Variants in DAP observed in about 807,000 individuals in gnomAD.
The protein encoded by DAP is death associated protein, also known as death-associated protein 1.
In DAP, 8 loss-of-function variants were observed where a neutral mutation model predicts 13.8. The ratio of observed to expected loss-of-function variants is 0.58; its 90% confidence interval spans 0.34 to 1.05. DAP has a LOEUF of 1.05. Among genes scored for constraint, DAP ranks in the 50% least tolerant of loss-of-function variants. The pLI, the probability that DAP is intolerant of heterozygous loss-of-function variation, is 0.03. For synonymous variants in DAP, 47 were observed against 47.5 expected (o/e 0.99, Z 0.04); for missense variants, 106 against 133.2 (o/e 0.80, Z 1.01).
At chr5:10,744,834 G>A (rs907277453) in intron 2 of DAP, among the ~76,000 whole-genome samples, 3 of 152,234 alleles carry the variant, frequency 2.0e-5, no homozygotes, top group Admixed American at 6.5e-5. Flanking sequence ...GCAAAGCCTC[G>A]TGGAGCAGCG....
chr5:10,746,855 G>T (rs962200316), intron 2 of DAP, among the ~76,000 whole-genome samples: 2 of 152,146 alleles, frequency 1.3e-5, no homozygotes, highest in African/African-American at 4.8e-5. Context: ...GACAGGCAGG[G>T]TTACCAAGAA....
At chr5:10,701,602 G>A (rs1358118811) in intron 2 of DAP, among the ~76,000 whole-genome samples, 6 of 150,672 alleles carry the variant, frequency 4.0e-5, no homozygotes, top group Admixed American at 1.3e-4. Flanking sequence ...TGAGGGGGAC[G>A]GGGGGCGGGG....
intron 1 of DAP, among the ~76,000 whole-genome samples, chr5:10,759,218 C>T (rs377267417): frequency 1.3e-5 from 2 of 152,300 alleles, no homozygotes; most frequent in South Asian, 2.1e-4. Flanking sequence ...ATGGGTGTGT[C>T]TCTGTATGCA....
chr5:10,702,952 C>T (rs62337578), intron 2 of DAP, among the ~76,000 whole-genome samples: 8,282 of 152,276 alleles, frequency 0.054, 255 homozygotes, highest in South Asian at 0.081. Context: ...TGAGCATAAA[C>T]GATCTGGCAT....
intron 2 of DAP, among the ~76,000 whole-genome samples, chr5:10,735,043 T>C (rs1234363646): frequency 6.6e-6 from 1 of 152,166 alleles, no homozygotes; most frequent in East Asian, 1.9e-4. Flanking sequence ...CATGACTCCA[T>C]CTGGTTAACG....
At chr5:10,754,119 A>T (rs1271296418) in intron 1 of DAP, among the ~76,000 whole-genome samples, 1 of 152,202 alleles carries the variant, frequency 6.6e-6, no homozygotes, top group Admixed American at 6.5e-5. Context: ...ATCACTGGCA[A>T]GTGGAGACTC....
intron 2 of DAP, among the ~76,000 whole-genome samples, chr5:10,730,230 T>C (rs1190526150): frequency 6.6e-6 from 1 of 152,118 alleles, no homozygotes; most frequent in Non-Finnish European, 1.5e-5. Context: ...CTGTGTAGAG[T>C]ACCTGGCACA....
intron 1 of DAP, among the ~76,000 whole-genome samples, 166 bp downstream of exon 1, chr5:10,760,848 T>G (rs1318385259): frequency 1.3e-5 from 2 of 151,678 alleles, no homozygotes; most frequent in Non-Finnish European, 2.9e-5. Context: ...CTCCCGGGCC[T>G]GGGCGCCCGA....
intron 2 of DAP, among the ~76,000 whole-genome samples, chr5:10,689,410 G>C (rs915547461): frequency 1.3e-5 from 2 of 152,144 alleles, no homozygotes; most frequent in Admixed American, 1.3e-4. Flanking sequence ...AGTGTCCAGG[G>C]CCATGGTTGC....
intron 2 of DAP, among the ~76,000 whole-genome samples, chr5:10,712,435 G>T (rs564954828): frequency 1.3e-5 from 2 of 152,160 alleles, no homozygotes; most frequent in African/African-American, 4.8e-5. Flanking sequence ...GCTTCAGTGG[G>T]GCCTGGAAGG....
chr5:10,748,286 G>A lies in DAP; in HGVS notation c.56-15C>T, dbSNP rs372204868. Reference sequence around the variant, plus strand: ...ACCAGCTTTCACTGAAATGAAAACAGAGAGTGTGGGATTAATGTGGAAATG... The same window carrying A: ...ACCAGCTTTCACTGAAATGAAAACAAAGAGTGTGGGATTAATGTGGAAATG... On this transcript the variant is annotated splice_polypyrimidine_tract_variant and intron_variant, in intron 1 of 3. Coordinates refer to ENST00000230895, the MANE Select transcript of DAP (RefSeq NM_004394.3). 5 of 1,608,772 alleles carry A rather than the reference G, an allele frequency of 3.1e-6. No homozygotes were observed. The highest frequency in any genetic ancestry group is 3.3e-5 in the Admixed American group (2 of 60,002).
At chr5:10,728,479 C>T (rs749304781) in intron 2 of DAP, among the ~76,000 whole-genome samples, 2 of 152,150 alleles carry the variant, frequency 1.3e-5, no homozygotes, top group African/African-American at 4.8e-5. Context: ...TTCTTTTGCC[C>T]TATTTTCAGA....
chr5:10,722,277 T>TA (rs1281370646), intron 2 of DAP, among the ~76,000 whole-genome samples: 1 of 152,092 alleles, frequency 6.6e-6, no homozygotes, highest in African/African-American at 2.4e-5. Context: ...TCAACAAATA[T>TA]AAAGCAGGCA....
At chr5:10,705,708 T>C (rs1579795801) in intron 2 of DAP, among the ~76,000 whole-genome samples, 2 of 152,358 alleles carry the variant, frequency 1.3e-5, no homozygotes, top group East Asian at 3.9e-4. Context: ...CTCAGTATCA[T>C]CTTTCATGGG....
At chr5:10,727,493 A>G (rs1739318738) in intron 2 of DAP, among the ~76,000 whole-genome samples, 1 of 152,108 alleles carries the variant, frequency 6.6e-6, no homozygotes, top group South Asian at 2.1e-4. Context: ...GGTGGTGGGG[A>G]TGGGGCCTGC....
At chr5:10,746,661 T>G (rs1739913966) in intron 2 of DAP, among the ~76,000 whole-genome samples, 2 of 152,184 alleles carry the variant, frequency 1.3e-5, no homozygotes, top group Non-Finnish European at 2.9e-5. Context: ...CTGCCTTCTT[T>G]TAAACCAGAA....
At chr5:10,706,806 T>C (rs1412737219) in intron 2 of DAP, among the ~76,000 whole-genome samples, 1 of 152,206 alleles carries the variant, frequency 6.6e-6, no homozygotes, top group Non-Finnish European at 1.5e-5. Context: ...CCTGATCCTA[T>C]GCTGTAGGTG....
chr5:10,728,162 C>T lies in DAP; in HGVS notation c.152+20013G>A, dbSNP rs754713188. 2.6e-5 allele frequency among the ~76,000 whole-genome samples: 4 copies of T among 152,028 alleles called. No individual in the cohort carries two copies. In the South Asian group the frequency reaches 8.3e-4, roughly 32 times the overall value. ...GGCGGTTGTAACTTACTTTTTTTTCCTGGATATCAGAAAGTGAAATGCTAT... is the reference window on the plus strand; with the variant it reads ...GGCGGTTGTAACTTACTTTTTTTTCTTGGATATCAGAAAGTGAAATGCTAT... On this transcript the variant is annotated intron_variant, in intron 2 of 3. Transcript: ENST00000230895.
chr5:10,712,184 C>T (rs763669204), intron 2 of DAP, among the ~76,000 whole-genome samples: 2 of 152,140 alleles, frequency 1.3e-5, no homozygotes, highest in East Asian at 3.9e-4. Context: ...AGGGAGAAGA[C>T]GGCCATCTAC....
Sources: allele counts gnomAD v4.1 joint callset (sites outside exome capture counted in the v4.1 genomes callset), GRCh38; gene constraint gnomAD v4.1.1; transcripts MANE v1.5; gene names NCBI Gene and HGNC (gene_info 2026-07-23, HGNC 2026-07-21).